The following ANKRD31 variants were observed in gnomAD, a reference collection of about 807,000 sequenced individuals.
ANKRD31 encodes the protein ankyrin repeat domain 31, also known as ankyrin repeat domain-containing protein 31.
Under a neutral mutation model 186.0 loss-of-function variants are expected in ANKRD31, and 147 were observed. The observed-to-expected ratio is 0.79, with a 90% CI of 0.69 to 0.91. The LOEUF (loss-of-function observed/expected upper bound fraction) is 0.91, where lower values mean the gene tolerates loss of function less well. Among genes scored for constraint, ANKRD31 ranks in the 40% least tolerant of loss-of-function variants. The pLI is 0.00. For missense variants in ANKRD31, 1,986 were observed against 2,148.8 expected (o/e 0.92, Z 1.50); for synonymous variants, 673 against 736.4 (o/e 0.91, Z 1.39).
intron 12 of ANKRD31, among the ~76,000 whole-genome samples, chr5:75,150,998 A>T (rs1396107090): frequency 1.3e-5 from 2 of 151,952 alleles, no homozygotes; most frequent in African/African-American, 4.8e-5. Context: ...CTAATGAACC[A>T]TTAATTAATT....
chr5:75,223,968 T>C (rs1757456777), intron 2 of ANKRD31, among the ~76,000 whole-genome samples: 1 of 151,856 alleles, frequency 6.6e-6, no homozygotes, highest in Admixed American at 6.6e-5. Context: ...AGAACCAATC[T>C]GCCAGCACCT....
intron 5 of ANKRD31, 32 bp downstream of exon 5, chr5:75,206,379 T>C: frequency 7.6e-7 from 1 of 1,321,404 alleles, no homozygotes; most frequent in South Asian, 1.9e-5. Context: ...AAAGACTAAT[T>C]TCCTTTATAT....
intron 1 of ANKRD31, among the ~76,000 whole-genome samples, chr5:75,234,029 C>T (rs1580610470): frequency 6.6e-6 from 1 of 151,434 alleles, no homozygotes; most frequent in African/African-American, 2.4e-5. Context: ...AAATTAAAAA[C>T]AAACTAAATG....
intron 10 of ANKRD31, 80 bp from the exon 11 acceptor site, chr5:75,169,201 T>TG: frequency 7.0e-7 from 1 of 1,429,558 alleles, no homozygotes; most frequent in South Asian, 1.3e-5. Context: ...AAAACAACTT[T>TG]GATTCTAAGT....
At chr5:75,194,886 T>C (rs554157222) in intron 7 of ANKRD31, among the ~76,000 whole-genome samples, 183 of 152,230 alleles carry the variant, frequency 1.2e-3, no homozygotes, top group Non-Finnish European at 1.8e-3. Flanking sequence ...AGAGTGAAAC[T>C]GTGGAGGATA....
In ANKRD31 at chr5:75,137,863, T is replaced by G; in HGVS notation, c.3869A>C (p.His1290Pro). Residue 1290 changes from histidine (H) to proline (P), a missense_variant, in exon 17 of 26, where the codon CAT (histidine) becomes CCT (proline). Physicochemically the swap from His to Pro is moderately conservative, Grantham distance 77. Transcript: ENST00000506364. ...ATGTGATGTGCACTGTACCTTTAAA[T>G]GATTGTTTGCAACAGCATCATGTAA... ...LPLHDAVANN[H>P]LKAAEILLQN... The G allele has an allele frequency of 6.6e-7, 1 of 1,524,134 alleles. No homozygotes were observed. Among genetic ancestry groups the G allele is most frequent in the East Asian group, 2.5e-5 (1 of 40,716 alleles). The allele number at this position is 1,524,134 out of a possible 1,614,324, so 94.4% of individuals were successfully genotyped here. A position where few individuals can be genotyped will look rare whatever the true frequency, so the allele number is the denominator to read the frequency against.
Position 75,192,689 on chromosome 5 carries a change from A to G in ANKRD31, c.1386T>C (p.Asn462=). The G allele has an allele frequency of 6.5e-7, 1 of 1,531,872 alleles. No homozygotes were observed. The highest frequency in any genetic ancestry group is 8.7e-7 in the Non-Finnish European group (1 of 1,144,470). The allele number at this position is 1,531,872 out of a possible 1,614,324, so 94.9% of individuals were successfully genotyped here. A position where few individuals can be genotyped will look rare whatever the true frequency, so the allele number is the denominator to read the frequency against. ...RFKNGKQIRK[N]EQFSGKKEKM... is the part of the protein sequence containing the mutation. Reference sequence around the variant, plus strand: ...CACCTTTTTTTCCTGAAAATTGTTCATTTTTCCTGATCTGTTTTCCATTCT... The same window carrying G: ...CACCTTTTTTTCCTGAAAATTGTTCGTTTTTCCTGATCTGTTTTCCATTCT... Residue 462 remains asparagine (N), a synonymous_variant, in exon 9 of 26, where the codon AAT becomes AAC. Transcript: ENST00000506364.
chr5:75,106,924 G>C (rs934942958), intron 21 of ANKRD31, among the ~76,000 whole-genome samples: 3 of 151,726 alleles, frequency 2.0e-5, no homozygotes, highest in Non-Finnish European at 2.9e-5. Flanking sequence ...GAATATATAA[G>C]GACATGTTTA....
chr5:75,071,987 A>G (rs548271144), intron 25 of ANKRD31, among the ~76,000 whole-genome samples: 1 of 152,292 alleles, frequency 6.6e-6, no homozygotes, highest in East Asian at 1.9e-4. Context: ...ACTCCTTCAT[A>G]GCCAGCATGA....
chr5:75,218,342 C>A (rs1181453583), intron 3 of ANKRD31, among the ~76,000 whole-genome samples: 1 of 152,018 alleles, frequency 6.6e-6, no homozygotes, highest in Non-Finnish European at 1.5e-5. Context: ...TCTAAAATTC[C>A]AGAAGAAATG....
At chr5:75,106,003 T>C (rs1181018215) in intron 21 of ANKRD31, among the ~76,000 whole-genome samples, 1 of 152,146 alleles carries the variant, frequency 6.6e-6, no homozygotes, top group Non-Finnish European at 1.5e-5. Flanking sequence ...TTTTTGGTCT[T>C]GGGAACTACT....
chr5:75,098,412 A>G (rs1442563307), intron 22 of ANKRD31, among the ~76,000 whole-genome samples: 2 of 152,062 alleles, frequency 1.3e-5, no homozygotes, highest in East Asian at 1.9e-4. Context: ...TTGGTGATGC[A>G]GGCTCTTTTT....
intron 17 of ANKRD31, among the ~76,000 whole-genome samples, chr5:75,131,131 C>T (rs74864385): frequency 0.1 from 15,682 of 152,138 alleles, 834 homozygotes; most frequent in East Asian, 0.14. Flanking sequence ...GAGCACCACA[C>T]GCAGCCCCAG....
intron 11 of ANKRD31, among the ~76,000 whole-genome samples, chr5:75,156,227 GAT>G (rs554317701): frequency 4.3e-4 from 65 of 152,178 alleles, no homozygotes; most frequent in African/African-American, 1.4e-3. Context: ...TTTTAAAGAA[GAT>G]ATATATCTCT....
At chr5:75,178,256 G>A (rs1377406220) in intron 10 of ANKRD31, among the ~76,000 whole-genome samples, 1 of 152,138 alleles carries the variant, frequency 6.6e-6, no homozygotes, top group Admixed American at 6.5e-5. Flanking sequence ...GACCTACAAA[G>A]AGACTTAGAC....
At chr5:75,070,095 A>C (rs1744096747) in intron 25 of ANKRD31, among the ~76,000 whole-genome samples, 1 of 152,148 alleles carries the variant, frequency 6.6e-6, no homozygotes, top group Non-Finnish European at 1.5e-5. Context: ...TGTGGGTTTT[A>C]AATCATCACT....
At chr5:75,195,597 A>G (rs1561526456) in intron 7 of ANKRD31, 34 bp downstream of exon 7, 1 of 1,450,326 alleles carries the variant, frequency 6.9e-7, no homozygotes, top group East Asian at 2.5e-5. Flanking sequence ...CCATGTTCAA[A>G]TGGTGGAGTA....
chr5:75,091,007 G>A (rs561489855), intron 23 of ANKRD31, among the ~76,000 whole-genome samples: 28 of 152,328 alleles, frequency 1.8e-4, no homozygotes, highest in African/African-American at 6.0e-4. Flanking sequence ...TAAGGAGTAA[G>A]AAACGGAAGG....
At chr5:75,088,974 G>A (rs1057176498) in intron 23 of ANKRD31, among the ~76,000 whole-genome samples, 1 of 152,132 alleles carries the variant, frequency 6.6e-6, no homozygotes, top group African/African-American at 2.4e-5. Context: ...CATTCTTACT[G>A]AGGCTGCACA....
Sources: gnomAD v4.1 joint callset for allele counts (sites outside exome capture counted in the v4.1 genomes callset) on GRCh38, gnomAD v4.1.1 for gene constraint, MANE v1.5 for transcripts, NCBI Gene and HGNC (gene_info 2026-07-23, HGNC 2026-07-21) for gene names.